ESRRB: variants seen among roughly 807,000 people sequenced by gnomAD.
ESRRB encodes the protein estrogen related receptor beta.
In ESRRB, 16 loss-of-function variants were observed where a neutral mutation model predicts 46.0. The observed-to-expected ratio is 0.35, with a 90% CI of 0.24 to 0.53. ESRRB has a LOEUF of 0.53. Ranked by LOEUF, ESRRB falls within the 20% of genes least tolerant of loss-of-function variation. The pLI is 0.93. For synonymous variants in ESRRB, 246 were observed against 259.6 expected, an observed-to-expected ratio of 0.95 and a Z score of 0.50; for missense variants, 488 against 607.4, an observed-to-expected ratio of 0.80 and a Z score of 2.07.
At chr14:76,314,642 G>A (rs572002789) in intron 1 of ESRRB, among the ~76,000 whole-genome samples, 1 of 152,064 alleles carries the variant, frequency 6.6e-6, no homozygotes, top group South Asian at 2.1e-4. Flanking sequence ...CTTTCTTCAC[G>A]TGAGGCCCTC....
chr14:76,351,326 G>T (rs1226249635), intron 1 of ESRRB, among the ~76,000 whole-genome samples: 1 of 152,192 alleles, frequency 6.6e-6, no homozygotes, highest in African/African-American at 2.4e-5. Context: ...GCAGTGCCAT[G>T]CCCCCTATAA....
At chr14:76,461,449 G>T (rs1372899448) in intron 2 of ESRRB, among the ~76,000 whole-genome samples, 2 of 146,802 alleles carry the variant, frequency 1.4e-5, no homozygotes, top group Non-Finnish European at 3.0e-5. Context: ...CAGCTTAAAA[G>T]AGCATGGGTT....
chr14:76,448,027 C>T (rs113840895), intron 2 of ESRRB, among the ~76,000 whole-genome samples: 1 of 152,316 alleles, frequency 6.6e-6, no homozygotes, highest in Non-Finnish European at 1.5e-5. Context: ...ACCCTGATTG[C>T]TCTGTTTTCT....
At chr14:76,377,773 C>T (rs1884838778) in intron 1 of ESRRB, among the ~76,000 whole-genome samples, 1 of 152,142 alleles carries the variant, frequency 6.6e-6, no homozygotes, top group Non-Finnish European at 1.5e-5. Context: ...AGCACCTCCA[C>T]CACGGTGCAC....
chr14:76,389,594 C>A (rs1885384306), intron 1 of ESRRB, among the ~76,000 whole-genome samples: 2 of 152,232 alleles, frequency 1.3e-5, no homozygotes, highest in Non-Finnish European at 1.5e-5. Context: ...AGCATTATAT[C>A]CTTCTGGGAG....
At chr14:76,332,561 AT>A (rs1263107459) in intron 1 of ESRRB, among the ~76,000 whole-genome samples, 48 of 17,324 alleles carry the variant, frequency 2.8e-3, no homozygotes, top group Non-Finnish European at 4.9e-3. Flanking sequence ...TATAATATAT[AT>A]TTATATATTT....
At chr14:76,388,269 C>A (rs1215071373) in intron 1 of ESRRB, among the ~76,000 whole-genome samples, 1 of 150,546 alleles carries the variant, frequency 6.6e-6, no homozygotes, top group Non-Finnish European at 1.5e-5. Flanking sequence ...CGCTCTGCCT[C>A]CCAGGTTCAC....
chr14:76,345,556 T>C (rs769358908), intron 1 of ESRRB, among the ~76,000 whole-genome samples: 10 of 152,236 alleles, frequency 6.6e-5, no homozygotes, highest in Non-Finnish European at 1.5e-4. Context: ...GATGTTGGCA[T>C]GGATGCTGTG....
intron 1 of ESRRB, among the ~76,000 whole-genome samples, chr14:76,431,520 C>T (rs1887444384): frequency 1.3e-5 from 2 of 152,110 alleles, no homozygotes; most frequent in East Asian, 3.9e-4. Context: ...GCTCGGTGTC[C>T]CCTGGGGATC....
chr14:76,334,687 C>T (rs1884105531), intron 1 of ESRRB, among the ~76,000 whole-genome samples: 1 of 152,190 alleles, frequency 6.6e-6, no homozygotes, highest in Non-Finnish European at 1.5e-5. Context: ...AGATGTCTCC[C>T]CAACTTCAGA....
At position 76,397,905 on chromosome 14, in the gene ESRRB, T is replaced by C. The variant is rs555607481; in HGVS notation, c.50+21454T>C. On this transcript the variant is annotated intron_variant, in intron 1 of 6. Transcript: ENST00000644823. Reference sequence around the variant, plus strand: ...CAAAGTTGACCTGTTTGGAAGGTTATAGAAGATACAACAGCAGCCAGGGGC... The same window carrying C: ...CAAAGTTGACCTGTTTGGAAGGTTACAGAAGATACAACAGCAGCCAGGGGC... Among the ~76,000 whole-genome samples the C allele has an allele frequency of 6.6e-4, 101 of 152,362 alleles. 1 individual carries two copies. The South Asian group carries it at 0.019, about 29-fold the overall frequency.
At chr14:76,491,348 C>A in intron 5 of ESRRB, 99 bp from the exon 6 acceptor site, 1 of 1,285,704 alleles carries the variant, frequency 7.8e-7, no homozygotes, top group Non-Finnish European at 1.1e-6. Context: ...ACCCCGCAAC[C>A]AGCCACGCCC....
intron 1 of ESRRB, among the ~76,000 whole-genome samples, chr14:76,394,347 A>G (rs894253230): frequency 6.6e-6 from 1 of 152,160 alleles, no homozygotes; most frequent in African/African-American, 2.4e-5. Flanking sequence ...ATATTTGCTA[A>G]CATCTTCTGA....
intron 1 of ESRRB, among the ~76,000 whole-genome samples, chr14:76,403,320 C>G (rs1347743533): frequency 6.6e-6 from 1 of 152,226 alleles, no homozygotes; most frequent in Non-Finnish European, 1.5e-5. Context: ...CCCTTAACCA[C>G]TCTACCCTGA....
chr14:76,340,849 G>A (rs899177427), intron 1 of ESRRB, among the ~76,000 whole-genome samples: 3 of 152,200 alleles, frequency 2.0e-5, no homozygotes, highest in African/African-American at 7.2e-5. Flanking sequence ...TGATGGAAGA[G>A]GAATATGCTT....
intron 1 of ESRRB, among the ~76,000 whole-genome samples, chr14:76,318,819 A>G (rs976037234): frequency 2.6e-5 from 4 of 152,218 alleles, no homozygotes; most frequent in Admixed American, 2.0e-4. Context: ...CAAAGTTCCT[A>G]CATTCCTCCC....
At chr14:76,336,819 GTC>G (rs762624765) in intron 1 of ESRRB, among the ~76,000 whole-genome samples, 1 of 152,128 alleles carries the variant, frequency 6.6e-6, no homozygotes, top group Non-Finnish European at 1.5e-5. Context: ...ACAGACAAAA[GTC>G]TCTATTTCAG....
Position 76,392,049 on chromosome 14 carries a change from C to T in ESRRB, c.50+15598C>T, listed in dbSNP as rs141459772. Among the ~76,000 whole-genome samples, 100 of 152,332 alleles carry T rather than the reference C, an allele frequency of 6.6e-4. 1 individual carries two copies. The highest frequency in any genetic ancestry group is 2.1e-3 in the African/African-American group (89 of 41,580). On this transcript the variant is annotated intron_variant, in intron 1 of 6. Transcript: ENST00000644823. ...CATCCCTGCAGCCTGCATTTAGAGCCGGATAGCTCTTCGAAGGCTTTCTGT... is the reference window on the plus strand; with the variant it reads ...CATCCCTGCAGCCTGCATTTAGAGCTGGATAGCTCTTCGAAGGCTTTCTGT...
chr14:76,346,867 C>A (rs1315173985), intron 1 of ESRRB, among the ~76,000 whole-genome samples: 1 of 152,236 alleles, frequency 6.6e-6, no homozygotes, highest in Non-Finnish European at 1.5e-5. Context: ...ATTATAGACA[C>A]CACATGCTAT....
Sources: gnomAD v4.1 joint callset for allele counts (sites outside exome capture counted in the v4.1 genomes callset) on GRCh38, gnomAD v4.1.1 for gene constraint, MANE v1.5 for transcripts, NCBI Gene and HGNC (gene_info 2026-07-23, HGNC 2026-07-21) for gene names.